The following FSTL4 variants were observed in gnomAD, a reference collection of about 807,000 sequenced individuals.
FSTL4 encodes follistatin-related protein 4.
A neutral mutation model predicts 78.2 loss-of-function variants in FSTL4; 28 were observed. The ratio of observed to expected loss-of-function variants is 0.36; its 90% CI spans 0.27 to 0.49. The LOEUF (loss-of-function observed/expected upper bound fraction) is 0.49. Among genes scored for constraint, FSTL4 ranks in the 20% least tolerant of loss-of-function variants. The pLI, the probability that FSTL4 is intolerant of heterozygous loss-of-function variation, is 0.98. For missense variants in FSTL4, 922 were observed against 1,084.9 expected (o/e 0.85, Z 2.11); for synonymous variants, 422 against 440.5 (o/e 0.96, Z 0.53).
the FSTL4 span, among the ~76,000 whole-genome samples, chr5:133,722,174 AC>A: frequency 6.6e-6 from 1 of 152,032 alleles, no homozygotes; most frequent in South Asian, 2.1e-4. Flanking sequence ...CCTGAGCTCC[AC>A]CTCCTGTCAG....
At chr5:133,709,195 C>G in the FSTL4 span, among the ~76,000 whole-genome samples, 5 of 152,196 alleles carry the variant, frequency 3.3e-5, no homozygotes, top group South Asian at 2.1e-4. Flanking sequence ...CCATTTTGAT[C>G]ACTTTAGAAG....
At chr5:133,694,032 C>G in the FSTL4 span, among the ~76,000 whole-genome samples, 3 of 152,236 alleles carry the variant, frequency 2.0e-5, no homozygotes, top group African/African-American at 7.2e-5. Context: ...AGGTATTACT[C>G]AATCCAGTCC....
chr5:133,493,831 G>T (rs1321833805), intron 3 of FSTL4, among the ~76,000 whole-genome samples: 1 of 152,106 alleles, frequency 6.6e-6, no homozygotes, highest in African/African-American at 2.4e-5. Context: ...TATATGTTTG[G>T]ATTGAGGAGA....
At chr5:133,492,770 C>T (rs1474702479) in intron 3 of FSTL4, among the ~76,000 whole-genome samples, 2 of 152,106 alleles carry the variant, frequency 1.3e-5, no homozygotes, top group Admixed American at 6.5e-5. Flanking sequence ...TCTTCTCCCT[C>T]ACTTCCTCTA....
At chr5:133,409,922 G>A (rs1756445281) in intron 3 of FSTL4, among the ~76,000 whole-genome samples, 1 of 152,194 alleles carries the variant, frequency 6.6e-6, no homozygotes, top group Non-Finnish European at 1.5e-5. Flanking sequence ...GTTTCCTCGT[G>A]GGTACGTGAG....
intron 3 of FSTL4, among the ~76,000 whole-genome samples, chr5:133,403,508 T>C (rs1232279581): frequency 6.6e-6 from 1 of 152,274 alleles, no homozygotes; most frequent in Non-Finnish European, 1.5e-5. Flanking sequence ...ACTCAGGTTT[T>C]AAGAAATGCA....
At chr5:133,695,846 T>A in the FSTL4 span, among the ~76,000 whole-genome samples, 1 of 152,136 alleles carries the variant, frequency 6.6e-6, no homozygotes, top group Admixed American at 6.5e-5. Context: ...AAGATGTGAG[T>A]GACCTCCATG....
chr5:133,389,296 C>T (rs1414862984), intron 4 of FSTL4, among the ~76,000 whole-genome samples: 1 of 152,166 alleles, frequency 6.6e-6, no homozygotes, highest in Non-Finnish European at 1.5e-5. Flanking sequence ...CACTGCAGCC[C>T]AGTGAGATTG....
chr5:133,482,472 A>G (rs1436350254), intron 3 of FSTL4, among the ~76,000 whole-genome samples: 1 of 152,212 alleles, frequency 6.6e-6, no homozygotes, highest in African/African-American at 2.4e-5. Context: ...CAGGCCCTCA[A>G]GAGTTCACAG....
chr5:133,258,584 T>C (rs577947259), intron 6 of FSTL4, among the ~76,000 whole-genome samples: 42 of 152,322 alleles, frequency 2.8e-4, no homozygotes, highest in South Asian at 1.0e-3. Context: ...TTTATTTTTC[T>C]GGAGGATAAC....
chr5:133,206,569 C>T (rs1262695969), intron 14 of FSTL4, among the ~76,000 whole-genome samples: 1 of 152,118 alleles, frequency 6.6e-6, no homozygotes. Context: ...ACCATGTTGG[C>T]CAGGATGGTC....
intron 3 of FSTL4, among the ~76,000 whole-genome samples, chr5:133,532,635 C>T (rs1201167147): frequency 6.6e-6 from 1 of 152,102 alleles, no homozygotes; most frequent in Non-Finnish European, 1.5e-5. Context: ...CCTTATCTAC[C>T]CCATAAGGAC....
At chr5:133,727,090 C>A in the FSTL4 span, among the ~76,000 whole-genome samples, 2 of 152,124 alleles carry the variant, frequency 1.3e-5, no homozygotes, top group Admixed American at 1.3e-4. Flanking sequence ...AAACCACATC[C>A]CACATCCAGA....
chr5:133,822,985 G>C, the FSTL4 span, among the ~76,000 whole-genome samples: 3 of 152,292 alleles, frequency 2.0e-5, no homozygotes, highest in Admixed American at 6.5e-5. Flanking sequence ...GCTTTCATGT[G>C]GGGGCAGGAG....
chr5:133,257,051 A>T (rs1219833236), intron 6 of FSTL4, among the ~76,000 whole-genome samples: 6 of 152,220 alleles, frequency 3.9e-5, no homozygotes, highest in Admixed American at 3.9e-4. Flanking sequence ...TATCCCCAGC[A>T]CCTAATACAA....
intron 3 of FSTL4, among the ~76,000 whole-genome samples, chr5:133,517,735 C>T (rs967461423): frequency 3.0e-4 from 46 of 151,162 alleles, no homozygotes; most frequent in Non-Finnish European, 6.2e-4. Context: ...GGCTGGCAGG[C>T]TAAAGTCCCA....
intron 1 of FSTL4, among the ~76,000 whole-genome samples, chr5:133,608,659 T>A (rs1183315934): frequency 6.6e-6 from 1 of 152,266 alleles, no homozygotes; most frequent in African/African-American, 2.4e-5. Flanking sequence ...TACCTCCTTG[T>A]GAAAACCACA....
chr5:133,239,009 G>A (rs1327770225), intron 7 of FSTL4, among the ~76,000 whole-genome samples: 1 of 152,194 alleles, frequency 6.6e-6, no homozygotes, highest in Non-Finnish European at 1.5e-5. Context: ...GGCGGGAACC[G>A]GGGCTGTGCG....
chr5:133,460,330 C>CG (rs997429990), intron 3 of FSTL4, among the ~76,000 whole-genome samples: 7 of 152,056 alleles, frequency 4.6e-5, no homozygotes, highest in African/African-American at 1.7e-4. Context: ...ACCAAGCCAC[C>CG]GGGGGGATGA....
Sources: gnomAD v4.1 joint callset for allele counts (sites outside exome capture counted in the v4.1 genomes callset) on GRCh38, gnomAD v4.1.1 for gene constraint, MANE v1.5 for transcripts, NCBI Gene and HGNC (gene_info 2026-07-23, HGNC 2026-07-21) for gene names.